The following RNF150 variants were observed in gnomAD, a reference collection of about 807,000 sequenced individuals.
The protein encoded by RNF150 is ring finger protein 150.
In RNF150, 24 loss-of-function variants were observed where a neutral mutation model predicts 39.3. The ratio of observed to expected loss-of-function variants is 0.61; its 90% confidence interval spans 0.44 to 0.86. The LOEUF is 0.86. Among genes scored for constraint, RNF150 ranks in the 40% least tolerant of loss-of-function variants. RNF150 has a pLI of 0.00. For missense variants in RNF150, 502 were observed against 587.8 expected (o/e 0.85, Z 1.51); for synonymous variants, 255 against 227.3 (o/e 1.12, Z -1.10).
At chr4:141,071,226 C>A (rs1161010758) in intron 1 of RNF150, among the ~76,000 whole-genome samples, 5 of 112,574 alleles carry the variant, frequency 4.4e-5, no homozygotes, top group African/African-American at 1.8e-4. Flanking sequence ...ACTCTGGGGA[C>A]TGTGGTGGGG....
chr4:140,921,029 G>A (rs1731104792), intron 5 of RNF150, among the ~76,000 whole-genome samples: 1 of 151,546 alleles, frequency 6.6e-6, no homozygotes, highest in Admixed American at 6.6e-5. Flanking sequence ...ACACTCTGGG[G>A]ACTGTTGTGG....
chr4:141,109,922 A>G (rs991527596), intron 1 of RNF150, among the ~76,000 whole-genome samples: 1 of 152,116 alleles, frequency 6.6e-6, no homozygotes, highest in Non-Finnish European at 1.5e-5. Context: ...CCCAAACAGA[A>G]AGCAGTAGCC....
At chr4:141,211,548 T>A (rs1294862102) in intron 1 of RNF150, among the ~76,000 whole-genome samples, 1 of 152,194 alleles carries the variant, frequency 6.6e-6, no homozygotes, top group Non-Finnish European at 1.5e-5. Flanking sequence ...TAATGTACTT[T>A]AATTCGTATT....
At chr4:141,049,757 A>T (rs2110886068) in intron 1 of RNF150, among the ~76,000 whole-genome samples, 1 of 150,872 alleles carries the variant, frequency 6.6e-6, no homozygotes, top group African/African-American at 2.5e-5. Context: ...TATGGATATA[A>T]TTTTTTAAAT....
intron 2 of RNF150, among the ~76,000 whole-genome samples, chr4:140,954,550 G>A (rs1010942821): frequency 6.6e-6 from 1 of 152,112 alleles, no homozygotes; most frequent in Non-Finnish European, 1.5e-5. Context: ...TTAGGCCATC[G>A]TAATAATTAG....
At position 141,083,284 on chromosome 4, in the gene RNF150, C is replaced by A. The variant is rs905659784; in HGVS notation, c.484+49041G>T. On this transcript the variant is annotated intron_variant, in intron 1 of 6. Coordinates refer to ENST00000515673, the MANE Select transcript of RNF150 (RefSeq NM_020724.2). ...ACTAGGAAATAGGATTTTTAGATAACCACTTTTTTCCCCTAACAGGAAAAA... is the reference window on the plus strand; with the variant it reads ...ACTAGGAAATAGGATTTTTAGATAAACACTTTTTTCCCCTAACAGGAAAAA... 5.3e-5 allele frequency among the ~76,000 whole-genome samples: 8 copies of A among 152,146 alleles called. No individual in the cohort carries two copies. The South Asian group carries it at 1.4e-3, about 28-fold the overall frequency.
At chr4:141,078,647 G>T (rs1423035293) in intron 1 of RNF150, among the ~76,000 whole-genome samples, 2 of 150,870 alleles carry the variant, frequency 1.3e-5, no homozygotes, top group Admixed American at 6.6e-5. Context: ...AAAATTAGCC[G>T]GGCGCGGTGG....
At chr4:140,921,179 AT>A (rs1482642119) in intron 5 of RNF150, among the ~76,000 whole-genome samples, 1 of 30,942 alleles carries the variant, frequency 3.2e-5, no homozygotes, top group African/African-American at 1.0e-4. Context: ...TTAAAGTATA[AT>A]AATAATAATA....
rs555100360 is a variant in RNF150, at chr4:140,908,254, T to C, written c.1198+2890A>G. On this transcript the variant is annotated intron_variant, in intron 6 of 6. Transcript: ENST00000515673. ...AAGTCACTAGGCAATTAAAAAAATC[T>C]GTATAGAGCAGAGGCTTTTTCTCCT... is the stretch of plus-strand genomic sequence containing the variant. 2.0e-5 allele frequency among the ~76,000 whole-genome samples: 3 copies of C among 152,216 alleles called. 1 individual carries two copies. In the South Asian group the frequency reaches 6.2e-4, roughly 32 times the overall value.
intron 6 of RNF150, among the ~76,000 whole-genome samples, chr4:140,887,328 T>C (rs1157855109): frequency 1.3e-5 from 2 of 152,222 alleles, no homozygotes; most frequent in South Asian, 2.1e-4. Flanking sequence ...TACACATGCA[T>C]ATAAACATAA....
At chr4:140,873,725 T>C (rs1230668001) in intron 6 of RNF150, among the ~76,000 whole-genome samples, 1 of 152,198 alleles carries the variant, frequency 6.6e-6, no homozygotes, top group Non-Finnish European at 1.5e-5. Flanking sequence ...TTGCCCAAGC[T>C]GAGTGCAGTG....
At chr4:141,190,698 C>T (rs909205148) in intron 1 of RNF150, among the ~76,000 whole-genome samples, 8 of 152,198 alleles carry the variant, frequency 5.3e-5, no homozygotes, top group African/African-American at 1.2e-4. Context: ...TAAACCACAA[C>T]TTAGAAAACT....
intron 1 of RNF150, among the ~76,000 whole-genome samples, chr4:140,968,863 T>A (rs1324566380): frequency 1.3e-5 from 2 of 151,624 alleles, no homozygotes; most frequent in Non-Finnish European, 2.9e-5. Context: ...TATTAATATT[T>A]ATATTAATTT....
At chr4:141,047,966 G>A (rs1736641091) in intron 1 of RNF150, among the ~76,000 whole-genome samples, 1 of 152,120 alleles carries the variant, frequency 6.6e-6, no homozygotes, top group South Asian at 2.1e-4. Context: ...AAAGTCAATA[G>A]GAGAATGAGA....
chr4:141,189,934 C>T (rs1728075587), intron 1 of RNF150, among the ~76,000 whole-genome samples: 1 of 152,176 alleles, frequency 6.6e-6, no homozygotes, highest in Non-Finnish European at 1.5e-5. Context: ...GTTCCAGGTG[C>T]CACTGGGGTA....
At chr4:141,141,204 A>G (rs1311268973) in intron 1 of RNF150, among the ~76,000 whole-genome samples, 2 of 152,222 alleles carry the variant, frequency 1.3e-5, no homozygotes, top group Admixed American at 6.5e-5. Flanking sequence ...TTTGTTATCT[A>G]CACTGAATTA....
chr4:141,209,351 G>T (rs2111228412), intron 1 of RNF150, among the ~76,000 whole-genome samples: 1 of 152,210 alleles, frequency 6.6e-6, no homozygotes, highest in South Asian at 2.1e-4. Flanking sequence ...TGTTGTTATA[G>T]TTCACTTTTC....
At chr4:141,140,501 TTTC>T (rs1727100869) in intron 1 of RNF150, among the ~76,000 whole-genome samples, 1 of 152,238 alleles carries the variant, frequency 6.6e-6, no homozygotes, top group South Asian at 2.1e-4. Context: ...CTGTTTCCTT[TTTC>T]TTCTTATTTT....
intron 1 of RNF150, among the ~76,000 whole-genome samples, chr4:140,986,941 A>G (rs1233384311): frequency 6.6e-6 from 1 of 152,110 alleles, no homozygotes; most frequent in African/African-American, 2.4e-5. Flanking sequence ...ATACAAAATC[A>G]ATGTACAAAA....
Sources: allele counts gnomAD v4.1 joint callset (sites outside exome capture counted in the v4.1 genomes callset), GRCh38; gene constraint gnomAD v4.1.1; transcripts MANE v1.5; gene names NCBI Gene and HGNC (gene_info 2026-07-23, HGNC 2026-07-21).